PLB1: variants seen among roughly 807,000 people sequenced by gnomAD.
The protein encoded by PLB1 is phospholipase B1, also known as phospholipase B1, membrane-associated.
Under a neutral mutation model 227.4 loss-of-function variants are expected in PLB1, and 242 were observed. The ratio of observed to expected loss-of-function variants is 1.06; its 90% CI spans 0.96 to 1.18. The LOEUF is 1.18. Ranked by LOEUF, PLB1 falls within the 50% of genes most tolerant of loss-of-function variation. The pLI, the probability that PLB1 is intolerant of heterozygous loss-of-function variation, is 0.00. For synonymous variants in PLB1, 757 were observed against 682.2 expected (o/e 1.11, Z -1.71); for missense variants, 1,858 against 1,816.3 (o/e 1.02, Z -0.42).
chr2:28,623,973 T>C (rs1363065650), intron 49 of PLB1, among the ~76,000 whole-genome samples: 1 of 152,184 alleles, frequency 6.6e-6, no homozygotes, highest in East Asian at 1.9e-4. Flanking sequence ...GGCATGGACC[T>C]GTAGTCCCAG....
At chr2:28,555,977 C>T (rs1675045497) in intron 17 of PLB1, among the ~76,000 whole-genome samples, 1 of 151,510 alleles carries the variant, frequency 6.6e-6, no homozygotes, top group African/African-American at 2.4e-5. Flanking sequence ...CGAGATCCTC[C>T]CACTTTAGCC....
rs113673000 is a variant in PLB1 at position 28,628,680 on chromosome 2, G to A, written c.3726+52G>A. On this transcript the variant is annotated intron_variant, in intron 52 of 57. Coordinates refer to ENST00000327757, the MANE Select transcript of PLB1 (RefSeq NM_153021.5). ...GTCCCGCCAGCCACCTCCCTGGGAT[G>A]CATGTAGGCAGGCTGTGTTCAGTGA... The A allele has an allele frequency of 1.7e-5, 26 of 1,549,064 alleles. 1 individual carries two copies. The African/African-American group carries it at 3.3e-4, about 19-fold the overall frequency.
At chr2:28,602,024 T>A in intron 38 of PLB1, 60 bp downstream of exon 38, 4 of 1,300,908 alleles carry the variant, frequency 3.1e-6, no homozygotes, top group South Asian at 1.2e-5. Flanking sequence ...TGAAGGTGGA[T>A]GGGGGGAAAG....
At chr2:28,546,320 C>T (rs562178356) in intron 14 of PLB1, among the ~76,000 whole-genome samples, 6 of 130,362 alleles carry the variant, frequency 4.6e-5, no homozygotes, top group Non-Finnish European at 1.7e-5. Flanking sequence ...AATCACTGAC[C>T]CCACCTTATG....
In PLB1 at chr2:28,497,846, G is replaced by A. The variant is rs893234858; in HGVS notation, c.55+1677G>A. Among the ~76,000 whole-genome samples, 5 of 152,098 alleles carry A rather than the reference G, an allele frequency of 3.3e-5. No homozygotes were observed. The South Asian group carries it at 1.0e-3, about 32-fold the overall frequency. The stretch of plus-strand genomic sequence containing the variant: ...CAATTCCCCTGCCTCAGCCTCCTGA[G>A]TAGCTGGGATTACAGGTGCCTGCCG... On this transcript the variant is annotated intron_variant, in intron 1 of 57. Coordinates refer to ENST00000327757, the MANE Select transcript of PLB1 (RefSeq NM_153021.5).
intron 26 of PLB1, among the ~76,000 whole-genome samples, chr2:28,587,972 C>G (rs1681195734): frequency 6.6e-6 from 1 of 152,120 alleles, no homozygotes; most frequent in Non-Finnish European, 1.5e-5. Flanking sequence ...GCCAGATGTT[C>G]CCAGGGCTGA....
chr2:28,582,149 C>CAT lies in PLB1; in HGVS notation c.1632+17_1632+18dup. ...CCATGCTGAGGTACGGAGGCTAGGC[C>CAT]ATGAGGCCTGCATCTTAGACCTCAG... On this transcript the variant is annotated intron_variant, in intron 24 of 57. Coordinates refer to ENST00000327757, the MANE Select transcript of PLB1 (RefSeq NM_153021.5). 1 of 1,610,580 alleles carries CAT rather than the reference C, an allele frequency of 6.2e-7. No individual in the cohort carries two copies.
At position 28,601,312 on chromosome 2, in the gene PLB1, T is replaced by C. The variant is rs1192824628; in HGVS notation, c.2587T>C (p.Cys863Arg). The C allele has an allele frequency of 6.8e-6, 11 of 1,614,036 alleles. No individual in the cohort carries two copies. The Admixed American group carries it at 1.3e-4, about 20-fold the overall frequency. ...AGTGCTGATCGGAGGCAGCGATTTA[T>C]GTGACTACTGCACAGATTCGGTAAT... ...ITVLIGGSDL[C>R]DYCTDSNLYS... is the part of the protein sequence containing the mutation. Residue 863 changes from cysteine (C) to arginine (R), a missense_variant, in exon 37 of 58, where the codon TGT becomes CGT. Coordinates refer to ENST00000327757, the MANE Select transcript of PLB1 (RefSeq NM_153021.5).
chr2:28,566,729 T>C (rs1422947175), intron 19 of PLB1, 67 bp from the exon 20 acceptor site: 3 of 1,563,060 alleles, frequency 1.9e-6, no homozygotes, highest in African/African-American at 1.4e-5. Context: ...TTCTGGCTAG[T>C]GTCTGAAGGG....
chr2:28,621,797 A>AT (rs1558938133), intron 49 of PLB1, among the ~76,000 whole-genome samples: 1 of 152,068 alleles, frequency 6.6e-6, no homozygotes. Context: ...GGAAGAAATT[A>AT]TTTTTCTGCA....
chr2:28,537,883 G>A lies in PLB1; in HGVS notation c.556-436G>A, dbSNP rs114152807. 6.8e-3 allele frequency among the ~76,000 whole-genome samples: 1,039 copies of A among 152,166 alleles called. 18 individuals are homozygous for A. The highest frequency in any genetic ancestry group is 0.023 in the African/African-American group (954 of 41,498). On this transcript the variant is annotated intron_variant, in intron 9 of 57. Transcript: ENST00000327757. Reference sequence around the variant, plus strand: ...GCTAATAAAATAGGATCACATGAAGGTTCCGAGGCCCATCTGGGGCCTTAA... The same window carrying A: ...GCTAATAAAATAGGATCACATGAAGATTCCGAGGCCCATCTGGGGCCTTAA...
At chr2:28,625,168 G>A (rs1418387597) in intron 50 of PLB1, 60 bp downstream of exon 50, 2 of 1,491,264 alleles carry the variant, frequency 1.3e-6, no homozygotes, top group East Asian at 2.3e-5. Context: ...GCTGGGGAGG[G>A]GACAGCCCCA....
intron 49 of PLB1, among the ~76,000 whole-genome samples, chr2:28,624,226 T>TA (rs1687420007): frequency 6.6e-6 from 1 of 152,218 alleles, no homozygotes; most frequent in Non-Finnish European, 1.5e-5. Flanking sequence ...TTCCTGTCCC[T>TA]ACCTCACACC....
chr2:28,525,605 C>A (rs1670134765), intron 5 of PLB1, among the ~76,000 whole-genome samples: 1 of 152,156 alleles, frequency 6.6e-6, no homozygotes, highest in Admixed American at 6.5e-5. Flanking sequence ...TCTTGGGGAA[C>A]CATGCAGGGC....
At chr2:28,620,769 C>G (rs1331347938) in intron 48 of PLB1, 110 bp from the exon 49 acceptor site, 7 of 1,515,220 alleles carry the variant, frequency 4.6e-6, no homozygotes, top group Non-Finnish European at 6.4e-6. Context: ...TGAAAAGCCC[C>G]AGAACTCCTG....
At chr2:28,605,586 TGCCC>T in intron 41 of PLB1, among the ~76,000 whole-genome samples, 1 of 152,278 alleles carries the variant, frequency 6.6e-6, no homozygotes, top group East Asian at 1.9e-4. Flanking sequence ...TACATGAATG[TGCCC>T]AAAAATAAAT....
intron 4 of PLB1, among the ~76,000 whole-genome samples, chr2:28,523,143 C>G (rs1043422052): frequency 6.6e-6 from 1 of 151,996 alleles, no homozygotes; most frequent in Non-Finnish European, 1.5e-5. Context: ...GACACATGTT[C>G]AATATAAGAA....
At chr2:28,626,178 T>C (rs1171381173) in intron 50 of PLB1, among the ~76,000 whole-genome samples, 3 of 152,000 alleles carry the variant, frequency 2.0e-5, no homozygotes, top group Non-Finnish European at 4.4e-5. Context: ...GTATTTTTAG[T>C]GGAGACGGGG....
At chr2:28,578,257 A>G (rs538660244) in intron 22 of PLB1, 99 bp downstream of exon 22, 14 of 1,135,790 alleles carry the variant, frequency 1.2e-5, no homozygotes, top group Non-Finnish European at 1.6e-5. Context: ...TTGGGTTTCT[A>G]GCAGACACAT....
Sources: allele counts gnomAD v4.1 joint callset (sites outside exome capture counted in the v4.1 genomes callset), GRCh38; gene constraint gnomAD v4.1.1; transcripts MANE v1.5; gene names NCBI Gene and HGNC (gene_info 2026-07-23, HGNC 2026-07-21).